CCSER2: variants seen among roughly 807,000 people sequenced by gnomAD.
CCSER2 encodes serine-rich coiled-coil domain-containing protein 2.
Under a neutral mutation model 92.3 loss-of-function variants are expected in CCSER2, and 46 were observed. The ratio of observed to expected loss-of-function variants is 0.50; its 90% CI spans 0.39 to 0.64. The LOEUF (loss-of-function observed/expected upper bound fraction) is 0.64, where lower values mean the gene tolerates loss of function less well. Ranked by LOEUF, CCSER2 falls within the 30% of genes least tolerant of loss-of-function variation. CCSER2 has a pLI of 0.00. For synonymous variants in CCSER2, 433 were observed against 431.4 expected, an observed-to-expected ratio of 1.00 and a Z score of -0.04; for missense variants, 1,244 against 1,238.9, an observed-to-expected ratio of 1.00 and a Z score of -0.06.
chr10:84,385,065 G>C (rs1204425703), intron 3 of CCSER2, among the ~76,000 whole-genome samples: 1 of 150,936 alleles, frequency 6.6e-6, no homozygotes. Context: ...GGAGGTGAAA[G>C]ACCTTTACAA....
intron 1 of CCSER2, among the ~76,000 whole-genome samples, chr10:84,334,970 T>C (rs1180688911): frequency 2.0e-5 from 3 of 152,212 alleles, no homozygotes; most frequent in African/African-American, 7.2e-5. Flanking sequence ...CCCTTTGTTA[T>C]GGTAGTTGTT....
chr10:84,497,948 C>T (rs938019150), intron 9 of CCSER2, among the ~76,000 whole-genome samples: 3 of 152,100 alleles, frequency 2.0e-5, no homozygotes, highest in African/African-American at 7.2e-5. Context: ...ACCAGTCCAG[C>T]CTCTGCATCT....
chr10:84,491,523 G>A (rs1028397669), intron 9 of CCSER2, among the ~76,000 whole-genome samples: 19 of 152,184 alleles, frequency 1.2e-4, no homozygotes, highest in Admixed American at 5.2e-4. Flanking sequence ...ATCCATGGGC[G>A]TGGGACCCTC....
intron 9 of CCSER2, among the ~76,000 whole-genome samples, chr10:84,497,741 ATAC>A (rs1381320793): frequency 6.6e-6 from 1 of 152,240 alleles, no homozygotes; most frequent in African/African-American, 2.4e-5. Context: ...ACTGTGACAG[ATAC>A]TTTCACCTAA....
At chr10:84,342,268 G>A (rs1564579972) in intron 1 of CCSER2, among the ~76,000 whole-genome samples, 1 of 152,330 alleles carries the variant, frequency 6.6e-6, no homozygotes, top group Admixed American at 6.5e-5. Flanking sequence ...GAGACCAAAT[G>A]TGTATGGGAT....
At chr10:84,470,856 A>C (rs1487131852) in intron 8 of CCSER2, among the ~76,000 whole-genome samples, 2 of 152,060 alleles carry the variant, frequency 1.3e-5, no homozygotes, top group African/African-American at 4.8e-5. Context: ...CTGCATCACT[A>C]TCAGATTGAA....
At position 84,447,821 on chromosome 10, in the gene CCSER2, G is replaced by GT. The variant is rs576983237; in HGVS notation, c.2064+9120dup. On this transcript the variant is annotated intron_variant, in intron 6 of 9. Transcript: ENST00000372088. Reference sequence around the variant, plus strand: ...GAGTTCGTTTCTTTTGTTTTGTTTTGTTTTTTGCAGCAGAGTGTTGCTGTG... The same window carrying GT: ...GAGTTCGTTTCTTTTGTTTTGTTTTGTTTTTTTGCAGCAGAGTGTTGCTGTG... Among the ~76,000 whole-genome samples the GT allele has an allele frequency of 6.6e-5, 10 of 152,122 alleles. No homozygotes were observed. The East Asian group carries it at 1.2e-3, about 18-fold the overall frequency.
intron 1 of CCSER2, among the ~76,000 whole-genome samples, chr10:84,356,396 G>A (rs1845173689): frequency 6.6e-6 from 1 of 152,136 alleles, no homozygotes; most frequent in African/African-American, 2.4e-5. Context: ...TGTCCTAGTT[G>A]CTATTAAGAG....
In CCSER2 at chr10:84,518,214, C is replaced by G. The variant is rs1849659932; in HGVS notation, c.*3947C>G. 1 of 152,302 alleles carries G rather than the reference C, an allele frequency of 6.6e-6. No individual in the cohort carries two copies. Among genetic ancestry groups the G allele is most frequent in the African/African-American group, 2.4e-5 (1 of 41,448 alleles). 9.4% of individuals were successfully genotyped at this position (152,302 alleles called of 1,614,324 possible). A position where few individuals can be genotyped will look rare whatever the true frequency, so the allele number is the denominator to read the frequency against. The stretch of plus-strand genomic sequence containing the variant: ...AATGATTCTGATGGTGGGCACCAAT[C>G]TACAACTATGTCATTAACTGAAGAT... On this transcript the variant is annotated 3_prime_UTR_variant, in exon 10 of 10. Coordinates refer to ENST00000372088, the MANE Select transcript of CCSER2 (RefSeq NM_001284240.2).
At chr10:84,365,814 A>C (rs1845749085) in intron 1 of CCSER2, among the ~76,000 whole-genome samples, 2 of 152,200 alleles carry the variant, frequency 1.3e-5, no homozygotes, top group Non-Finnish European at 2.9e-5. Flanking sequence ...GGAAATGTTA[A>C]AGCCTTTCTG....
At chr10:84,362,106 G>A (rs1211227575) in intron 1 of CCSER2, among the ~76,000 whole-genome samples, 1 of 152,164 alleles carries the variant, frequency 6.6e-6, no homozygotes, top group African/African-American at 2.4e-5. Context: ...TTATGGCCTA[G>A]TAGTCTTCCA....
intron 9 of CCSER2, among the ~76,000 whole-genome samples, chr10:84,504,449 A>G (rs1177725323): frequency 1.3e-5 from 2 of 152,154 alleles, no homozygotes; most frequent in Non-Finnish European, 2.9e-5. Flanking sequence ...AGTTTAACCA[A>G]AACGTTGATC....
At chr10:84,462,235 T>C (rs1846141038) in intron 6 of CCSER2, among the ~76,000 whole-genome samples, 1 of 152,242 alleles carries the variant, frequency 6.6e-6, no homozygotes, top group African/African-American at 2.4e-5. Context: ...TCTGGTATTT[T>C]CTGTTTTGCT....
intron 9 of CCSER2, among the ~76,000 whole-genome samples, chr10:84,487,048 G>A (rs1847849569): frequency 6.6e-6 from 1 of 152,108 alleles, no homozygotes; most frequent in Admixed American, 6.6e-5. Flanking sequence ...AAGATTAGAT[G>A]GTTGTAGATG....
intron 9 of CCSER2, among the ~76,000 whole-genome samples, chr10:84,513,117 T>G (rs1849450204): frequency 6.6e-6 from 1 of 152,206 alleles, no homozygotes; most frequent in East Asian, 1.9e-4. Flanking sequence ...TGTAGAATCA[T>G]TCTGTCAAGC....
At chr10:84,341,865 A>G (rs1186609787) in intron 1 of CCSER2, among the ~76,000 whole-genome samples, 1 of 152,202 alleles carries the variant, frequency 6.6e-6, no homozygotes, top group African/African-American at 2.4e-5. Flanking sequence ...GAACAGCCAG[A>G]TGGAAGAGAT....
At chr10:84,446,063 T>C (rs1701149506) in intron 6 of CCSER2, among the ~76,000 whole-genome samples, 1 of 152,208 alleles carries the variant, frequency 6.6e-6, no homozygotes, top group South Asian at 2.1e-4. Flanking sequence ...ACCCACTCTT[T>C]CCCTTTCTCA....
intron 1 of CCSER2, among the ~76,000 whole-genome samples, chr10:84,363,716 C>T (rs1845633240): frequency 6.6e-6 from 1 of 152,194 alleles, no homozygotes; most frequent in Non-Finnish European, 1.5e-5. Context: ...TATCTAGGTC[C>T]TTTGCAGTCT....
intron 3 of CCSER2, among the ~76,000 whole-genome samples, chr10:84,390,674 C>T (rs1841471058): frequency 2.0e-5 from 3 of 152,254 alleles, no homozygotes; most frequent in Admixed American, 6.5e-5. Context: ...ATATGGTGCA[C>T]GACTGTTCTT....
Sources: gnomAD v4.1 joint callset for allele counts (sites outside exome capture counted in the v4.1 genomes callset) on GRCh38, gnomAD v4.1.1 for gene constraint, MANE v1.5 for transcripts, NCBI Gene and HGNC (gene_info 2026-07-23, HGNC 2026-07-21) for gene names.